The following PRKG1 variants were observed in gnomAD, a reference collection of about 807,000 sequenced individuals.
PRKG1 encodes protein kinase cGMP-dependent 1.
A neutral mutation model predicts 88.1 loss-of-function variants in PRKG1; 35 were observed. The ratio of observed to expected loss-of-function variants is 0.40; its 90% CI spans 0.30 to 0.53. The LOEUF is 0.53. Among genes scored for constraint, PRKG1 ranks in the 20% least tolerant of loss-of-function variants. The pLI, the probability that PRKG1 is intolerant of heterozygous loss-of-function variation, is 0.59. For synonymous variants in PRKG1, 303 were observed against 292.5 expected, an observed-to-expected ratio of 1.04 and a Z score of -0.37; for missense variants, 540 against 839.8, an observed-to-expected ratio of 0.64 and a Z score of 4.41.
At chr10:52,280,350 A>G (rs925440747) in intron 12 of PRKG1, among the ~76,000 whole-genome samples, 11 of 152,174 alleles carry the variant, frequency 7.2e-5, no homozygotes, top group African/African-American at 2.7e-4. Flanking sequence ...AAAGATTAAA[A>G]AACAAGCCCT....
intron 2 of PRKG1, among the ~76,000 whole-genome samples, chr10:51,290,851 C>T (rs1840565611): frequency 6.6e-6 from 1 of 151,994 alleles, no homozygotes; most frequent in Non-Finnish European, 1.5e-5. Context: ...TGAACAAGTC[C>T]CTGTGTTCTC....
chr10:51,152,976 C>CTTTTTTTTT lies in PRKG1; in HGVS notation c.312-179_312-171dup, dbSNP rs1283273580. On this transcript the variant is annotated intron_variant, in intron 1 of 17. Transcript: ENST00000373980. ...AATACTTAAAAAAAATTCTTAGTGCCTTTTTTTTTTTTTTTTTGTTTTGCT... is the reference window on the plus strand; with the variant it reads ...AATACTTAAAAAAAATTCTTAGTGCCTTTTTTTTTTTTTTTTTTTTTTTTTTGTTTTGCT... Among the ~76,000 whole-genome samples, 13 of 112,694 alleles carry CTTTTTTTTT rather than the reference C, an allele frequency of 1.2e-4. 3 individuals carry two copies. The highest frequency in any genetic ancestry group is 7.3e-5 in the Non-Finnish European group (4 of 55,078). The allele number at this position is 112,694 out of a possible 152,430, so 73.9% of individuals were successfully genotyped here. A position where few individuals can be genotyped will look rare whatever the true frequency, so the allele number is the denominator to read the frequency against.
At chr10:51,306,528 C>A (rs1425488134) in intron 2 of PRKG1, 1 of 152,256 alleles carries the variant, frequency 6.6e-6, no homozygotes, top group African/African-American at 2.4e-5. Context: ...TTCTGAATGC[C>A]TTTTCCTGTG....
At position 52,164,785 on chromosome 10, in the gene PRKG1, T is replaced by A. The variant is rs148076482; in HGVS notation, c.1076+2822T>A. ...TGAGGTGTAACTGAGAAATAAGAAT[T>A]GTATACAGTTAAAGTGTATATGACA... is the stretch of plus-strand genomic sequence containing the variant. On this transcript the variant is annotated intron_variant, in intron 9 of 17. Coordinates refer to ENST00000373980, the MANE Select transcript of PRKG1 (RefSeq NM_006258.4). 2.0e-3 allele frequency among the ~76,000 whole-genome samples: 299 copies of A among 152,288 alleles called. 10 individuals carry two copies. In the East Asian group the frequency reaches 0.043, roughly 22 times the overall value.
At chr10:51,525,614 C>G (rs1160356808) in intron 3 of PRKG1, among the ~76,000 whole-genome samples, 1 of 152,102 alleles carries the variant, frequency 6.6e-6, no homozygotes, top group African/African-American at 2.4e-5. Context: ...AGGAGAATGG[C>G]GTGAACCCAG....
chr10:51,016,673 C>CTTTTTGTTTTTTTTTTTTTTTTTT (rs1843067680), intron 1 of PRKG1, among the ~76,000 whole-genome samples: 1 of 35,184 alleles, frequency 2.8e-5, no homozygotes, highest in African/African-American at 1.4e-4. Context: ...ATTATCCTTT[C>CTTTTTGTTTTTTTTTTTTTTTTTT]TTTTTTTTTT....
chr10:51,019,309 G>A (rs1306114268), intron 1 of PRKG1, among the ~76,000 whole-genome samples: 1 of 152,148 alleles, frequency 6.6e-6, no homozygotes, highest in Non-Finnish European at 1.5e-5. Flanking sequence ...CATATAGTCT[G>A]ATAGAATAGA....
chr10:51,110,680 T>C (rs950065726), intron 1 of PRKG1, among the ~76,000 whole-genome samples: 4 of 152,128 alleles, frequency 2.6e-5, no homozygotes, highest in Non-Finnish European at 4.4e-5. Context: ...TATTATATAT[T>C]TGTGTATATT....
chr10:51,836,455 G>A lies in PRKG1; in HGVS notation c.698+31765G>A, dbSNP rs74623091. The stretch of plus-strand genomic sequence containing the variant: ...TTGTCTATATTTGCATTTGTTGCCC[G>A]TGTTTTGGGGTCATATCCAAGAAAT... On this transcript the variant is annotated intron_variant, in intron 4 of 17. Coordinates refer to ENST00000373980, the MANE Select transcript of PRKG1 (RefSeq NM_006258.4). Among the ~76,000 whole-genome samples, 1,405 of 152,164 alleles carry A rather than the reference G, an allele frequency of 9.2e-3. 24 individuals carry two copies. The highest frequency in any genetic ancestry group is 0.032 in the African/African-American group (1,312 of 41,508).
chr10:51,801,217 A>G (rs1376460086), intron 3 of PRKG1, among the ~76,000 whole-genome samples: 2 of 152,220 alleles, frequency 1.3e-5, no homozygotes, highest in African/African-American at 4.8e-5. Context: ...CTCTGTTGCA[A>G]TTACTCAGTT....
intron 2 of PRKG1, among the ~76,000 whole-genome samples, chr10:51,389,038 G>T (rs1018491045): frequency 2.0e-5 from 3 of 152,130 alleles, no homozygotes; most frequent in African/African-American, 4.8e-5. Flanking sequence ...TAATGCTTCA[G>T]GGATGCAATA....
intron 4 of PRKG1, among the ~76,000 whole-genome samples, chr10:51,835,319 C>T (rs1840105740): frequency 6.6e-6 from 1 of 152,246 alleles, no homozygotes; most frequent in Admixed American, 6.5e-5. Flanking sequence ...AGTTTGTGTC[C>T]TATGCATTTC....
At chr10:51,074,471 A>G (rs1182330788), upstream of PRKG1, 5 of 1,470,798 alleles carry the variant, frequency 3.4e-6, no homozygotes, top group East Asian at 2.5e-5. Flanking sequence ...TTTGGTCTCA[A>G]GTAGGAAGCT....
intron 1 of PRKG1, among the ~76,000 whole-genome samples, chr10:51,025,516 T>C (rs546329146): frequency 6.6e-6 from 1 of 152,256 alleles, no homozygotes; most frequent in Admixed American, 6.5e-5. Context: ...CTTAAGGACC[T>C]CTCTTCATGC....
intron 9 of PRKG1, among the ~76,000 whole-genome samples, chr10:52,201,400 C>T (rs958258104): frequency 6.6e-6 from 1 of 151,950 alleles, no homozygotes; most frequent in Admixed American, 6.6e-5. Flanking sequence ...TTATTCCATT[C>T]TATTTGTTTA....
chr10:51,137,984 T>C (rs1289884528), intron 1 of PRKG1, among the ~76,000 whole-genome samples: 1 of 152,162 alleles, frequency 6.6e-6, no homozygotes, highest in Non-Finnish European at 1.5e-5. Flanking sequence ...GAAAGTTACT[T>C]TGGGGACTTT....
chr10:52,283,282 C>T (rs918031270), intron 14 of PRKG1, among the ~76,000 whole-genome samples: 1 of 151,908 alleles, frequency 6.6e-6, no homozygotes, highest in Non-Finnish European at 1.5e-5. Flanking sequence ...AGTTCTAGGA[C>T]ACTGAGAGCC....
chr10:51,076,338 A>G (rs191634120), intron 1 of PRKG1, among the ~76,000 whole-genome samples: 17 of 152,168 alleles, frequency 1.1e-4, no homozygotes, highest in Non-Finnish European at 2.1e-4. Context: ...TGCCTTAGAA[A>G]CCTGAGTGAT....
intron 2 of PRKG1, among the ~76,000 whole-genome samples, chr10:51,399,298 C>T (rs1014886224): frequency 1.3e-5 from 2 of 151,870 alleles, no homozygotes; most frequent in East Asian, 1.9e-4. Flanking sequence ...TCAGTGTTCC[C>T]CAGAGAAATT....
Sources: allele counts gnomAD v4.1 joint callset (sites outside exome capture counted in the v4.1 genomes callset), GRCh38; gene constraint gnomAD v4.1.1; transcripts MANE v1.5; gene names NCBI Gene and HGNC (gene_info 2026-07-23, HGNC 2026-07-21).